Variants in RP1 observed in about 807,000 individuals in gnomAD.
RP1 encodes the protein RP1 axonemal microtubule associated, also known as oxygen-regulated protein 1.
Under a neutral mutation model 14.8 loss-of-function variants are expected in RP1, and 16 were observed. That is an observed-to-expected ratio of 1.08 (90% CI 0.73 to 1.65). The LOEUF (loss-of-function observed/expected upper bound fraction) is 1.65. Among genes scored for constraint, RP1 ranks in the 40% most tolerant of loss-of-function variants. The pLI, the probability that RP1 is intolerant of heterozygous loss-of-function variation, is 0.00. For synonymous variants in RP1, 876 were observed against 883.6 expected (o/e 0.99, Z 0.15); for missense variants, 2,631 against 2,535.0 (o/e 1.04, Z -0.81).
intron 7 of RP1, among the ~76,000 whole-genome samples, chr8:54,670,182 G>T (rs1250992847): frequency 6.6e-6 from 1 of 151,734 alleles, no homozygotes; most frequent in Non-Finnish European, 1.5e-5. Context: ...TCTTAAATTT[G>T]TTAAGACTTG....
chr8:54,842,993 T>C (rs1811821501), intron 25 of RP1, among the ~76,000 whole-genome samples: 1 of 152,168 alleles, frequency 6.6e-6, no homozygotes. Context: ...TCTGTAGAAC[T>C]GCAAGAAACT....
At position 54,621,317 on chromosome 8, in the gene RP1, G is replaced by C. The variant is rs758856376; in HGVS notation, c.351G>C (p.Leu117=). 6.2e-7 allele frequency: 1 copy of C among 1,612,894 alleles called. No homozygotes were observed. Among genetic ancestry groups the C allele is most frequent in the Non-Finnish European group, 8.5e-7 (1 of 1,179,392 alleles). ...SHGRKVQPVD[L]DKARRRPRPW... The stretch of plus-strand genomic sequence containing the variant: ...GCAGGAAGGTGCAGCCTGTAGACCT[G>C]GACAAAGCCCGTCGGCGCCCGCGGC... The change falls in exon 2 of 4, where the codon CTG becomes CTC. Residue 117 remains leucine, a synonymous_variant. Coordinates refer to ENST00000220676, the MANE Select transcript of RP1 (RefSeq NM_006269.2).
chr8:54,703,479 A>G (rs1219864795), intron 14 of RP1, among the ~76,000 whole-genome samples: 1 of 152,198 alleles, frequency 6.6e-6, no homozygotes, highest in Non-Finnish European at 1.5e-5. Flanking sequence ...GTAAATAGAT[A>G]TGCTGTCCTT....
intron 16 of RP1, among the ~76,000 whole-genome samples, chr8:54,726,004 T>C (rs1468301944): frequency 6.6e-6 from 1 of 152,184 alleles, no homozygotes; most frequent in Non-Finnish European, 1.5e-5. Flanking sequence ...TTTCCCCTTT[T>C]GAGGAAGGCA....
At chr8:54,811,088 G>C (rs1451325551) in intron 24 of RP1, among the ~76,000 whole-genome samples, 1 of 152,144 alleles carries the variant, frequency 6.6e-6, no homozygotes, top group African/African-American at 2.4e-5. Context: ...CCTCATCTTT[G>C]CTTATTTTAA....
At position 54,625,573 on chromosome 8, in the gene RP1, A is replaced by G. The variant is rs766114601; in HGVS notation, c.1691A>G (p.Asn564Ser). ...SQKMLEMSHNNGLPSTISNNS... is the reference protein window; with the variant it reads ...SQKMLEMSHNSGLPSTISNNS... The stretch of plus-strand genomic sequence containing the variant: ...AAGATGTTAGAGATGTCACATAATA[A>G]TGGTTTGCCATCAACTATATCAAAT... Residue 564 changes from asparagine (N) to serine (S), a missense_variant, in exon 4 of 4, where the codon AAT (asparagine) becomes AGT (serine). Asn to Ser is a conservative substitution (Grantham distance 46, BLOSUM62 1). Coordinates refer to ENST00000220676, the MANE Select transcript of RP1 (RefSeq NM_006269.2). 2.5e-6 allele frequency: 4 copies of G among 1,614,116 alleles called. No homozygotes were observed. The South Asian group carries it at 3.3e-5, about 13-fold the overall frequency.
rs777762479 is a variant in RP1 at position 54,629,287 on chromosome 8, C to T, written c.5405C>T (p.Ser1802Phe). 6.2e-7 allele frequency: 1 copy of T among 1,613,704 alleles called. No homozygotes were observed. The highest frequency in any genetic ancestry group is 8.5e-7 in the Non-Finnish European group (1 of 1,179,772). ...GGCCCAACGATGGATGAACTCTCCTCTTCAGAACTCGAGGAACTGACTCAA... is the reference window on the plus strand; with the variant it reads ...GGCCCAACGATGGATGAACTCTCCTTTTCAGAACTCGAGGAACTGACTCAA... Reference protein sequence around the residue: ...APGPTMDELSSSELEELTQPL... With the variant: ...APGPTMDELSFSELEELTQPL... Residue 1802 changes from serine (S) to phenylalanine (F), a missense_variant, in exon 4 of 4, where the codon TCT becomes TTT. Coordinates refer to ENST00000220676, the MANE Select transcript of RP1 (RefSeq NM_006269.2).
chr8:54,747,713 C>G (rs1302791373), intron 19 of RP1, among the ~76,000 whole-genome samples: 1 of 152,214 alleles, frequency 6.6e-6, no homozygotes. Flanking sequence ...CCAGCCTGGG[C>G]AACATGGGAA....
intron 23 of RP1, among the ~76,000 whole-genome samples, chr8:54,779,256 C>G (rs1810121966): frequency 6.6e-6 from 1 of 152,158 alleles, no homozygotes; most frequent in Non-Finnish European, 1.5e-5. Flanking sequence ...CCTGTGTCCT[C>G]CTCTGTCAAG....
At chr8:54,613,411 CACA>C (rs1332345255), upstream of RP1, among the ~76,000 whole-genome samples, 2 of 152,160 alleles carry the variant, frequency 1.3e-5, no homozygotes. Flanking sequence ...TATATATCTC[CACA>C]ACAATTCTGT....
At position 54,726,476 on chromosome 8, in the gene RP1, A is replaced by G. The variant is rs918288536; in HGVS notation, c.2521A>G (p.Lys841Glu). ...GAGTCCCTTACCTTCTTCAACTGCA[A>G]GTAAGCCACAGCTTTTGCTTTCATA... Residue 841 changes from lysine to glutamate, a missense_variant and splice_region_variant, in exon 17 of 23, where the codon AAA becomes GAA. By Grantham distance (56) the Lys-to-Glu change is moderately conservative. Transcript: ENST00000636932. The G allele has an allele frequency of 9.2e-6, 14 of 1,524,868 alleles. No individual in the cohort carries two copies. In the Admixed American group the frequency reaches 2.7e-4, roughly 29 times the overall value. The allele number at this position is 1,524,868 out of a possible 1,614,324, so 94.5% of individuals were successfully genotyped here.
At chr8:54,584,495 G>A (rs1297808572) in intron 1 of RP1, among the ~76,000 whole-genome samples, 1 of 152,168 alleles carries the variant, frequency 6.6e-6, no homozygotes, top group Non-Finnish European at 1.5e-5. Flanking sequence ...GGGGTGGAGA[G>A]TTCTGCAGAT....
chr8:54,845,024 C>A (rs1032302017), intron 25 of RP1, among the ~76,000 whole-genome samples: 1 of 152,206 alleles, frequency 6.6e-6, no homozygotes, highest in African/African-American at 2.4e-5. Context: ...GGATGGCACT[C>A]CTTAGGGACG....
chr8:54,839,914 A>T (rs1310696524), intron 25 of RP1, among the ~76,000 whole-genome samples: 1 of 152,218 alleles, frequency 6.6e-6, no homozygotes, highest in Non-Finnish European at 1.5e-5. Context: ...CTCATATAAG[A>T]TTTCATTTAA....
At position 54,825,342 on chromosome 8, in the gene RP1, C is replaced by G. The variant is rs577237577; in HGVS notation, c.3616-12108C>G. ...GCAAGGCAAAACTGCCTGCCTTCAA[C>G]GTTCTTATTCAATACAGTGGTAAAA... On this transcript the variant is annotated intron_variant, in intron 24 of 28. Transcript: ENST00000637698. Among the ~76,000 whole-genome samples, 3 of 152,240 alleles carry G rather than the reference C, an allele frequency of 2.0e-5. No individual in the cohort carries two copies. The South Asian group carries it at 6.2e-4, about 32-fold the overall frequency.
At chr8:54,665,601 G>A (rs1806998852) in intron 7 of RP1, among the ~76,000 whole-genome samples, 1 of 152,156 alleles carries the variant, frequency 6.6e-6, no homozygotes, top group African/African-American at 2.4e-5. Context: ...GCTGGGGAGA[G>A]GATCTGTGGC....
At chr8:54,854,486 G>A (rs1333600040) in intron 26 of RP1, among the ~76,000 whole-genome samples, 1 of 152,216 alleles carries the variant, frequency 6.6e-6, no homozygotes, top group African/African-American at 2.4e-5. Context: ...ATATCTAAAT[G>A]TGAAAGGTAA....
chr8:54,725,725 A>T (rs1563358662), intron 16 of RP1, among the ~76,000 whole-genome samples: 1 of 152,202 alleles, frequency 6.6e-6, no homozygotes, highest in East Asian at 1.9e-4. Context: ...AAAACTCAAT[A>T]TGCCTATGCC....
In RP1 at chr8:54,656,032, C is replaced by T. The variant is rs1585584033; in HGVS notation, c.1039-51C>T. Reference sequence around the variant, plus strand: ...GTCTTGAACAAAAACTTATTTGACACTTTGATAAAGCATTCCTACATTTTT... The same window carrying T: ...GTCTTGAACAAAAACTTATTTGACATTTTGATAAAGCATTCCTACATTTTT... On this transcript the variant is annotated intron_variant, in intron 5 of 22. Coordinates refer to the RP1 transcript ENST00000636932. 20 of 1,353,994 alleles carry T rather than the reference C, an allele frequency of 1.5e-5. No individual in the cohort carries two copies. The East Asian group carries it at 5.4e-4, about 37-fold the overall frequency. 83.9% of individuals were successfully genotyped at this position (1,353,994 alleles called of 1,614,324 possible).
Sources: allele counts gnomAD v4.1 joint callset (sites outside exome capture counted in the v4.1 genomes callset), GRCh38; gene constraint gnomAD v4.1.1; transcripts MANE v1.5; gene names NCBI Gene and HGNC (gene_info 2026-07-23, HGNC 2026-07-21).